Variants in PALD1 observed in about 807,000 individuals in gnomAD.
PALD1 encodes paladin.
PALD1 carries 57 observed loss-of-function variants against 96.0 expected under a neutral mutation model. That is an observed-to-expected ratio of 0.59 (90% CI 0.48 to 0.74). The LOEUF (loss-of-function observed/expected upper bound fraction) is 0.74, where lower values mean the gene tolerates loss of function less well. PALD1 is among the 30% of genes least tolerant of loss of function. The pLI, the probability that PALD1 is intolerant of heterozygous loss-of-function variation, is 0.00. For synonymous variants in PALD1, 464 were observed against 473.6 expected, an observed-to-expected ratio of 0.98 and a Z score of 0.26; for missense variants, 1,063 against 1,143.7, an observed-to-expected ratio of 0.93 and a Z score of 1.02.
Position 70,479,391 on chromosome 10 carries a change from A to AG in PALD1, c.-30+337dup, listed in dbSNP as rs1185261427. 3.9e-5 allele frequency among the ~76,000 whole-genome samples: 6 copies of AG among 152,046 alleles called. No individual in the cohort carries two copies. The East Asian group carries it at 1.2e-3, about 29-fold the overall frequency. On this transcript the variant is annotated intron_variant, in intron 1 of 19. Coordinates refer to ENST00000263563, the MANE Select transcript of PALD1 (RefSeq NM_014431.3). ...AGGAGCTAGGGTTTCCCGCGAAGTTAGGGGGAGATTGGGGAGAGGGAAGCC... is the reference window on the plus strand; with the variant it reads ...AGGAGCTAGGGTTTCCCGCGAAGTTAGGGGGGAGATTGGGGAGAGGGAAGCC...
the PALD1 span, among the ~76,000 whole-genome samples, chr10:70,466,905 C>A: frequency 6.6e-6 from 1 of 152,194 alleles, no homozygotes; most frequent in Non-Finnish European, 1.5e-5. Flanking sequence ...CCTTCCACAG[C>A]CACCCCAGCC....
At chr10:70,500,593 C>T (rs773946505) in intron 1 of PALD1, among the ~76,000 whole-genome samples, 8 of 152,192 alleles carry the variant, frequency 5.3e-5, no homozygotes, top group Non-Finnish European at 1.0e-4. Context: ...CAGCTCTGTT[C>T]CTTTTTCGGG....
At chr10:70,551,799 G>A (rs933212930) in intron 18 of PALD1, among the ~76,000 whole-genome samples, 2 of 152,136 alleles carry the variant, frequency 1.3e-5, no homozygotes, top group African/African-American at 2.4e-5. Flanking sequence ...TCAGAGAGGA[G>A]GGCTCAGAAT....
intron 12 of PALD1, among the ~76,000 whole-genome samples, chr10:70,538,611 G>T (rs1401290747): frequency 6.7e-6 from 1 of 149,046 alleles, no homozygotes; most frequent in Non-Finnish European, 1.5e-5. Context: ...CAGCTGTTCT[G>T]GTACCTTCTC....
At chr10:70,494,165 G>T (rs905747356) in intron 1 of PALD1, among the ~76,000 whole-genome samples, 1 of 152,192 alleles carries the variant, frequency 6.6e-6, no homozygotes, top group African/African-American at 2.4e-5. Flanking sequence ...GAGAGCCACA[G>T]GGCTGCCTTG....
In PALD1 at chr10:70,553,387, G is replaced by C. The variant is rs114968698; in HGVS notation, c.2262+5941G>C. ...TCCTCCAGATTTGGATGTGGCTGGA[G>C]TCTGTGAGGAGAGTCTGGGTGACTG... On this transcript the variant is annotated intron_variant, in intron 18 of 19. Transcript: ENST00000263563. 7.0e-3 allele frequency among the ~76,000 whole-genome samples: 1,067 copies of C among 152,308 alleles called. 13 individuals are homozygous for C. The highest frequency in any genetic ancestry group is 0.025 in the African/African-American group (1,028 of 41,550).
intron 17 of PALD1, among the ~76,000 whole-genome samples, chr10:70,545,689 C>A (rs1432883963): frequency 6.6e-6 from 1 of 151,980 alleles, no homozygotes; most frequent in East Asian, 1.9e-4. Context: ...CTCCCCACCT[C>A]GGCCTCCCAA....
At chr10:70,528,419 T>TA (rs1305962148) in intron 2 of PALD1, among the ~76,000 whole-genome samples, 4 of 152,066 alleles carry the variant, frequency 2.6e-5, no homozygotes, top group Non-Finnish European at 4.4e-5. Flanking sequence ...GCTAAGCACT[T>TA]ACAATCATTA....
At chr10:70,463,492 T>C in the PALD1 span, among the ~76,000 whole-genome samples, 1 of 151,948 alleles carries the variant, frequency 6.6e-6, no homozygotes, top group South Asian at 2.1e-4. Context: ...GCGTAAAGTC[T>C]CCAGACATAA....
the PALD1 span, among the ~76,000 whole-genome samples, chr10:70,466,133 C>A: frequency 6.6e-6 from 1 of 152,066 alleles, no homozygotes; most frequent in Non-Finnish European, 1.5e-5. Context: ...CCCCTTGGGA[C>A]TTTGTGAGGA....
intron 18 of PALD1, among the ~76,000 whole-genome samples, chr10:70,550,140 C>T (rs1339084148): frequency 1.3e-5 from 2 of 152,230 alleles, no homozygotes; most frequent in African/African-American, 4.8e-5. Flanking sequence ...GGCTTGCACC[C>T]CACATGTCCA....
At chr10:70,481,089 A>T (rs986225787) in intron 1 of PALD1, among the ~76,000 whole-genome samples, 1 of 152,238 alleles carries the variant, frequency 6.6e-6, no homozygotes, top group Non-Finnish European at 1.5e-5. Context: ...GGACAGACAT[A>T]TAGGTAGACC....
intron 4 of PALD1, among the ~76,000 whole-genome samples, chr10:70,530,655 T>C (rs2132366466): frequency 6.6e-6 from 1 of 152,286 alleles, no homozygotes; most frequent in African/African-American, 2.4e-5. Flanking sequence ...CTGCTGCGAT[T>C]GTAGGCTTCT....
chr10:70,466,976 G>A, the PALD1 span, among the ~76,000 whole-genome samples: 25 of 152,120 alleles, frequency 1.6e-4, no homozygotes, highest in Non-Finnish European at 2.9e-4. Context: ...TAACAATTTC[G>A]CTGCCTCCTG....
intron 1 of PALD1, among the ~76,000 whole-genome samples, chr10:70,521,360 A>G (rs1846732187): frequency 6.6e-6 from 1 of 152,034 alleles, no homozygotes; most frequent in Admixed American, 6.6e-5. Flanking sequence ...CTGAAAATGG[A>G]CACAATGAGG....
At chr10:70,516,798 A>G (rs1363679175) in intron 1 of PALD1, among the ~76,000 whole-genome samples, 2 of 152,024 alleles carry the variant, frequency 1.3e-5, no homozygotes, top group Non-Finnish European at 2.9e-5. Context: ...GGCTCAAGCA[A>G]TCCTCCTGAC....
intron 1 of PALD1, among the ~76,000 whole-genome samples, chr10:70,515,297 C>T (rs555297781): frequency 7.2e-4 from 109 of 152,332 alleles, no homozygotes; most frequent in African/African-American, 2.5e-3. Context: ...GGGCCCAGAA[C>T]AGAGCTGGGG....
At chr10:70,472,452 G>T in the PALD1 span, among the ~76,000 whole-genome samples, 2 of 151,998 alleles carry the variant, frequency 1.3e-5, no homozygotes, top group African/African-American at 4.8e-5. Context: ...GTAGAGATGG[G>T]GTTTCACCAC....
At chr10:70,473,928 C>T (rs532360770), upstream of PALD1, among the ~76,000 whole-genome samples, 2 of 151,916 alleles carry the variant, frequency 1.3e-5, no homozygotes, top group African/African-American at 2.4e-5. Context: ...GTTGGGATTA[C>T]AGGTGTGAGC....
Sources: allele counts gnomAD v4.1 joint callset (sites outside exome capture counted in the v4.1 genomes callset), GRCh38; gene constraint gnomAD v4.1.1; transcripts MANE v1.5; gene names NCBI Gene and HGNC (gene_info 2026-07-23, HGNC 2026-07-21).